Variants in OR7C1 observed in about 807,000 individuals in gnomAD.
OR7C1 encodes the protein olfactory receptor family 7 subfamily C member 1.
For synonymous variants in OR7C1, 152 were observed against 160.7 expected, an observed-to-expected ratio of 0.95 and a Z score of 0.41; for missense variants, 324 against 383.3, an observed-to-expected ratio of 0.85 and a Z score of 1.29.
At chr19:14,834,522 C>T (rs2044865725) in intron 1 of OR7C1, among the ~76,000 whole-genome samples, 1 of 152,130 alleles carries the variant, frequency 6.6e-6, no homozygotes, top group Non-Finnish European at 1.5e-5. Context: ...AGTACATAGT[C>T]TCTCACCTAT....
At chr19:14,800,992 C>A (rs1301516886) in intron 2 of OR7C1, among the ~76,000 whole-genome samples, 1 of 152,194 alleles carries the variant, frequency 6.6e-6, no homozygotes, top group African/African-American at 2.4e-5. Context: ...TCTCTTCTCC[C>A]TATTAAACCT....
At chr19:14,808,835 G>A (rs188478126) in intron 2 of OR7C1, among the ~76,000 whole-genome samples, 77 of 152,014 alleles carry the variant, frequency 5.1e-4, no homozygotes, top group Non-Finnish European at 9.0e-4. Context: ...CTTTGTCCTC[G>A]TTAGAACTCA....
intron 1 of OR7C1, among the ~76,000 whole-genome samples, chr19:14,815,228 T>C (rs1445925371): frequency 1.3e-5 from 2 of 152,212 alleles, no homozygotes; most frequent in African/African-American, 4.8e-5. Flanking sequence ...CTCTGGCTCG[T>C]CTACAGAGGC....
chr19:14,828,071 G>A, intron 1 of OR7C1: 1 of 1,614,170 alleles, frequency 6.2e-7, no homozygotes. Context: ...AGTACATGGG[G>A]GTGTGGAGGT....
At chr19:14,811,100 G>A (rs576913546) in intron 1 of OR7C1, among the ~76,000 whole-genome samples, 1 of 151,984 alleles carries the variant, frequency 6.6e-6, no homozygotes, top group South Asian at 2.1e-4. Flanking sequence ...CTCTGCCATT[G>A]CTGTGAATGC....
intron 1 of OR7C1, among the ~76,000 whole-genome samples, chr19:14,832,647 G>A (rs939517424): frequency 2.0e-5 from 3 of 151,184 alleles, no homozygotes; most frequent in Non-Finnish European, 3.0e-5. Flanking sequence ...GGATGGTCTC[G>A]ATCTCCTGAC....
At chr19:14,817,309 A>C (rs1040371134) in intron 1 of OR7C1, among the ~76,000 whole-genome samples, 8 of 152,282 alleles carry the variant, frequency 5.3e-5, no homozygotes, top group Admixed American at 4.6e-4. Context: ...CGTTTTCTTC[A>C]ACCAGTCTGT....
At chr19:14,824,389 A>G (rs1379924166) in intron 1 of OR7C1, 1 of 152,116 alleles carries the variant, frequency 6.6e-6, no homozygotes, top group Non-Finnish European at 1.5e-5. Context: ...TCTCCCCACT[A>G]TAGTAGTCTC....
At chr19:14,816,733 T>C (rs978565001) in intron 1 of OR7C1, among the ~76,000 whole-genome samples, 2 of 152,200 alleles carry the variant, frequency 1.3e-5, no homozygotes, top group Non-Finnish European at 2.9e-5. Flanking sequence ...TAAACTCCAC[T>C]TCATATATAT....
exon 5 of OR7C1, chr19:14,800,142 T>A (rs76274197): frequency 2.5e-5 from 38 of 1,549,448 alleles, no homozygotes; most frequent in Non-Finnish European, 3.1e-5. Context: ...TCCATGGGGA[T>A]AAAATAACTG....
chr19:14,819,207 G>A (rs1023565442), intron 1 of OR7C1, among the ~76,000 whole-genome samples: 3 of 151,802 alleles, frequency 2.0e-5, no homozygotes, highest in African/African-American at 4.8e-5. Context: ...AGGATATGCA[G>A]GTTTGTTACA....
At chr19:14,802,675 T>G (rs1414528875) in intron 2 of OR7C1, among the ~76,000 whole-genome samples, 1 of 152,140 alleles carries the variant, frequency 6.6e-6, no homozygotes, top group Non-Finnish European at 1.5e-5. Flanking sequence ...GGGAAAAGCA[T>G]ATGAGTAGTG....
At chr19:14,815,075 T>G (rs148651232) in intron 1 of OR7C1, among the ~76,000 whole-genome samples, 2 of 152,300 alleles carry the variant, frequency 1.3e-5, no homozygotes, top group Non-Finnish European at 2.9e-5. Context: ...GGACTCAGGG[T>G]AAGCAATATT....
In OR7C1 at chr19:14,800,155, A is replaced by G. The variant is rs949389599; in HGVS notation, c.-13-6T>C. 1.3e-6 allele frequency: 2 copies of G among 1,522,460 alleles called. No individual in the cohort carries two copies. Among genetic ancestry groups the G allele is most frequent in the Middle Eastern group, 1.8e-4 (1 of 5,588 alleles). 94.3% of individuals were successfully genotyped at this position (1,522,460 alleles called of 1,614,324 possible). On this transcript the variant is annotated splice_region_variant and splice_polypyrimidine_tract_variant and intron_variant, in intron 4 of 4. Coordinates refer to ENST00000641666, the Ensembl canonical transcript of OR7C1. ...TTTCCATGGGGATAAAATAACTGCC[A>G]CAAGAGAGAAAAAAGCAACAGTCAA...
chr19:14,832,203 C>T (rs2044840108), intron 1 of OR7C1, among the ~76,000 whole-genome samples: 1 of 152,186 alleles, frequency 6.6e-6, no homozygotes, highest in South Asian at 2.1e-4. Flanking sequence ...AGTCACCTCG[C>T]TTGGCCTGAC....
At chr19:14,805,213 C>T (rs1341641899) in intron 2 of OR7C1, among the ~76,000 whole-genome samples, 1 of 151,540 alleles carries the variant, frequency 6.6e-6, no homozygotes, top group Admixed American at 6.6e-5. Flanking sequence ...CCAGTCTGTA[C>T]TCCTCCTGCC....
chr19:14,799,656 A>C (rs1355291934), exon 5 of OR7C1: 4 of 1,613,998 alleles, frequency 2.5e-6, no homozygotes, highest in African/African-American at 1.3e-5. Flanking sequence ...AAAACAGTCA[A>C]GGTCTCGAGC....
chr19:14,800,348 A>G (rs2044635502), exon 4 of OR7C1: 2 of 577,502 alleles, frequency 3.5e-6, no homozygotes, highest in Admixed American at 3.3e-5. Flanking sequence ...TTAGTTCCAT[A>G]ATACTTGTAC....
chr19:14,808,121 A>C (rs2044674611), intron 2 of OR7C1, among the ~76,000 whole-genome samples: 1 of 151,656 alleles, frequency 6.6e-6, no homozygotes, highest in Admixed American at 6.6e-5. Context: ...AAACAACAAC[A>C]GATGTTGGTG....
Sources: gnomAD v4.1 joint callset for allele counts (sites outside exome capture counted in the v4.1 genomes callset) on GRCh38, gnomAD v4.1.1 for gene constraint, MANE v1.5 for transcripts, NCBI Gene and HGNC (gene_info 2026-07-23, HGNC 2026-07-21) for gene names.